Variants in SASH1 observed in about 807,000 individuals in gnomAD.
SASH1 encodes the protein SAM and SH3 domain containing 1.
Under a neutral mutation model 125.2 loss-of-function variants are expected in SASH1, and 44 were observed. The ratio of observed to expected loss-of-function variants is 0.35; its 90% CI spans 0.28 to 0.45. The LOEUF is 0.45. SASH1 is among the 20% of genes least tolerant of loss of function. The pLI is 1.00. For synonymous variants in SASH1, 639 were observed against 649.1 expected, an observed-to-expected ratio of 0.98 and a Z score of 0.24; for missense variants, 1,426 against 1,614.5, an observed-to-expected ratio of 0.88 and a Z score of 2.00.
At chr6:148,339,694 G>GCCA (rs1438571046), upstream of SASH1, among the ~76,000 whole-genome samples, 1 of 146,012 alleles carries the variant, frequency 6.8e-6, no homozygotes, top group African/African-American at 2.6e-5. Flanking sequence ...ACAGGTGTGT[G>GCCA]CCACCATGCC....
intron 1 of SASH1, among the ~76,000 whole-genome samples, chr6:148,296,640 T>G (rs1288689468): frequency 6.6e-6 from 1 of 152,194 alleles, no homozygotes; most frequent in African/African-American, 2.4e-5. Flanking sequence ...TAAACGCTGC[T>G]CTGTCCGACT....
At chr6:148,494,762 A>G (rs1779248689) in intron 8 of SASH1, among the ~76,000 whole-genome samples, 1 of 152,172 alleles carries the variant, frequency 6.6e-6, no homozygotes. Flanking sequence ...TTTGTCACTA[A>G]TTTGGTTTGA....
At chr6:148,436,539 A>G (rs1338949255) in intron 2 of SASH1, among the ~76,000 whole-genome samples, 2 of 152,110 alleles carry the variant, frequency 1.3e-5, no homozygotes, top group South Asian at 2.1e-4. Flanking sequence ...TAAAAAAAAC[A>G]AAAAACCAAA....
At chr6:148,407,286 G>C (rs920665221) in intron 2 of SASH1, among the ~76,000 whole-genome samples, 7 of 152,050 alleles carry the variant, frequency 4.6e-5, no homozygotes, top group African/African-American at 1.4e-4. Flanking sequence ...TTGTCTGTAT[G>C]AATTTGACCA....
In SASH1 at chr6:148,274,425, G is replaced by T. The variant is rs560944324; in HGVS notation, n.74+2048G>T. On this transcript the variant is annotated intron_variant and non_coding_transcript_variant, in intron 1 of 3. Transcript: ENST00000367469. ...GGTTGCCCGCAGTTCTTTAAAGAGGGAAGGTTTTTTCAGGTGCCAAAATTT... is the reference window on the plus strand; with the variant it reads ...GGTTGCCCGCAGTTCTTTAAAGAGGTAAGGTTTTTTCAGGTGCCAAAATTT... Among the ~76,000 whole-genome samples the T allele has an allele frequency of 1.8e-3, 277 of 152,324 alleles. 2 individuals are homozygous for T. The highest frequency in any genetic ancestry group is 2.3e-3 in the Non-Finnish European group (154 of 68,032).
chr6:148,445,787 A>G (rs969139588), intron 4 of SASH1, among the ~76,000 whole-genome samples: 1 of 152,164 alleles, frequency 6.6e-6, no homozygotes, highest in African/African-American at 2.4e-5. Context: ...TGTCCACCAC[A>G]TTCCAGTGTG....
At chr6:148,408,553 G>C (rs192460649) in intron 2 of SASH1, among the ~76,000 whole-genome samples, 25 of 152,164 alleles carry the variant, frequency 1.6e-4, no homozygotes, top group Admixed American at 1.6e-3. Flanking sequence ...CATGTATAAA[G>C]TTCTTTATAC....
At chr6:148,395,722 C>T (rs1410528102) in intron 2 of SASH1, among the ~76,000 whole-genome samples, 1 of 152,154 alleles carries the variant, frequency 6.6e-6, no homozygotes, top group Non-Finnish European at 1.5e-5. Context: ...CCACATTTGG[C>T]ACAATCCCTG....
intron 1 of SASH1, among the ~76,000 whole-genome samples, chr6:148,289,766 C>T (rs1401131439): frequency 6.6e-6 from 1 of 151,444 alleles, no homozygotes; most frequent in Non-Finnish European, 1.5e-5. Context: ...AGAGTGATTG[C>T]ATTTATATCC....
At chr6:148,299,752 C>T (rs1779888277) in intron 1 of SASH1, among the ~76,000 whole-genome samples, 1 of 151,174 alleles carries the variant, frequency 6.6e-6, no homozygotes, top group African/African-American at 2.4e-5. Flanking sequence ...CTTTAAGTAT[C>T]AGGTCAACCT....
chr6:148,536,306 C>T (rs1781841826), intron 16 of SASH1, among the ~76,000 whole-genome samples: 1 of 152,224 alleles, frequency 6.6e-6, no homozygotes, highest in East Asian at 1.9e-4. Flanking sequence ...CCTCAGTCAC[C>T]AAGAACAGCT....
intron 8 of SASH1, among the ~76,000 whole-genome samples, chr6:148,496,710 A>G (rs1191440361): frequency 6.6e-6 from 1 of 152,078 alleles, no homozygotes; most frequent in African/African-American, 2.4e-5. Flanking sequence ...TGGGATCTAC[A>G]TAAAATAAAA....
At chr6:148,450,754 C>G (rs1449114733) in intron 4 of SASH1, among the ~76,000 whole-genome samples, 4 of 151,196 alleles carry the variant, frequency 2.6e-5, no homozygotes, top group African/African-American at 9.7e-5. Flanking sequence ...ATTAGCTTGC[C>G]TAAATTTCCA....
the SASH1 span, among the ~76,000 whole-genome samples, chr6:148,245,605 C>G: frequency 6.6e-6 from 1 of 151,990 alleles, no homozygotes; most frequent in South Asian, 2.1e-4. Context: ...GGACTTTTTT[C>G]TTTCGGAAGA....
At chr6:148,534,543 C>G (rs775817740) in intron 15 of SASH1, among the ~76,000 whole-genome samples, 27 of 152,220 alleles carry the variant, frequency 1.8e-4, no homozygotes, top group Non-Finnish European at 3.1e-4. Context: ...GTACATCTTC[C>G]TAACCCATGA....
At chr6:148,238,326 C>G in the SASH1 span, among the ~76,000 whole-genome samples, 1 of 152,108 alleles carries the variant, frequency 6.6e-6, no homozygotes, top group South Asian at 2.1e-4. Flanking sequence ...CAGGTTCAAG[C>G]GATGCTCCTA....
At chr6:148,477,957 A>G (rs1293953759) in intron 7 of SASH1, among the ~76,000 whole-genome samples, 1 of 152,090 alleles carries the variant, frequency 6.6e-6, no homozygotes, top group Non-Finnish European at 1.5e-5. Flanking sequence ...TCGGCCTCCC[A>G]AAGTGTTGTG....
chr6:148,521,982 G>A (rs143139000), intron 10 of SASH1, among the ~76,000 whole-genome samples: 1,664 of 152,250 alleles, frequency 0.011, 34 homozygotes, highest in African/African-American at 0.037. Context: ...CTCCATGAGG[G>A]CCTTGTCTCT....
rs565329749 is a variant in SASH1 at position 148,317,597 on chromosome 6, T to C, written n.74+45220T>C. ...GTGCCACCACATCCGGCTAATTTTTTTGTATTTTTAGTAGAGACGGGGTTT... is the reference window on the plus strand; with the variant it reads ...GTGCCACCACATCCGGCTAATTTTTCTGTATTTTTAGTAGAGACGGGGTTT... On this transcript the variant is annotated intron_variant and non_coding_transcript_variant, in intron 1 of 3. Transcript: ENST00000367469. 2.0e-5 allele frequency among the ~76,000 whole-genome samples: 3 copies of C among 152,302 alleles called. No individual in the cohort carries two copies. The East Asian group carries it at 5.8e-4, about 29-fold the overall frequency.
Sources: allele counts gnomAD v4.1 joint callset (sites outside exome capture counted in the v4.1 genomes callset), GRCh38; gene constraint gnomAD v4.1.1; transcripts MANE v1.5; gene names NCBI Gene and HGNC (gene_info 2026-07-23, HGNC 2026-07-21).